RCAN2: variants seen among roughly 807,000 people sequenced by gnomAD.
RCAN2 encodes regulator of calcineurin 2, also known as calcipressin-2.
In RCAN2, 9 loss-of-function variants were observed where a neutral mutation model predicts 23.6. That is an observed-to-expected ratio of 0.38 (90% CI 0.23 to 0.67). RCAN2 has a LOEUF of 0.67. Among genes scored for constraint, RCAN2 ranks in the 30% least tolerant of loss-of-function variants. The pLI, the probability that RCAN2 is intolerant of heterozygous loss-of-function variation, is 0.51. For synonymous variants in RCAN2, 109 were observed against 115.7 expected (o/e 0.94, Z 0.37); for missense variants, 273 against 302.3 (o/e 0.90, Z 0.72).
intron 2 of RCAN2, among the ~76,000 whole-genome samples, chr6:46,387,460 C>T (rs1304631650): frequency 6.6e-6 from 1 of 152,202 alleles, no homozygotes; most frequent in African/African-American, 2.4e-5. Context: ...ACAGACACTT[C>T]TCAAAAGATG....
intron 2 of RCAN2, among the ~76,000 whole-genome samples, chr6:46,259,909 G>C (rs777055101): frequency 6.6e-6 from 1 of 152,190 alleles, no homozygotes; most frequent in Non-Finnish European, 1.5e-5. Context: ...GAGATGCATA[G>C]AGCAAGGTAT....
chr6:46,358,317 T>C (rs752399925), intron 2 of RCAN2, among the ~76,000 whole-genome samples: 6 of 152,174 alleles, frequency 3.9e-5, no homozygotes, highest in Admixed American at 1.3e-4. Context: ...CTCACTATCA[T>C]GAGCACACTT....
intron 2 of RCAN2, among the ~76,000 whole-genome samples, chr6:46,435,937 A>T (rs1385444492): frequency 1.3e-5 from 2 of 152,260 alleles, no homozygotes; most frequent in Non-Finnish European, 2.9e-5. Flanking sequence ...TGGAGAAATG[A>T]AGACAAAAGA....
intron 4 of RCAN2, among the ~76,000 whole-genome samples, chr6:46,224,460 T>C (rs1436981585): frequency 6.6e-6 from 1 of 152,236 alleles, no homozygotes; most frequent in Admixed American, 6.5e-5. Flanking sequence ...TTTCCATCAC[T>C]ACCTGCATCA....
intron 2 of RCAN2, among the ~76,000 whole-genome samples, chr6:46,388,721 T>C (rs890018952): frequency 6.6e-6 from 1 of 152,136 alleles, no homozygotes; most frequent in African/African-American, 2.4e-5. Flanking sequence ...CACTGCATGT[T>C]TTCCCTCATA....
intron 4 of RCAN2, among the ~76,000 whole-genome samples, chr6:46,230,364 AC>A (rs1428939229): frequency 6.6e-6 from 1 of 152,050 alleles, no homozygotes; most frequent in Non-Finnish European, 1.5e-5. Context: ...GCTATGCCCT[AC>A]CCCCAGAGGT....
intron 2 of RCAN2, among the ~76,000 whole-genome samples, chr6:46,295,430 T>C (rs1461261232): frequency 6.6e-6 from 1 of 151,776 alleles, no homozygotes; most frequent in Non-Finnish European, 1.5e-5. Context: ...AGAATGGAGA[T>C]GAGTAGTAGC....
At chr6:46,446,094 A>G (rs1767696301) in intron 2 of RCAN2, among the ~76,000 whole-genome samples, 1 of 152,006 alleles carries the variant, frequency 6.6e-6, no homozygotes, top group Non-Finnish European at 1.5e-5. Context: ...CAGCCCAAAC[A>G]AGATTACAAT....
chr6:46,377,245 G>A (rs1387705048), intron 2 of RCAN2, among the ~76,000 whole-genome samples: 1 of 152,114 alleles, frequency 6.6e-6, no homozygotes, highest in African/African-American at 2.4e-5. Flanking sequence ...ATGCCCAAGG[G>A]GAAGCCTGGA....
chr6:46,286,191 A>G (rs1450597116), intron 2 of RCAN2, among the ~76,000 whole-genome samples: 1 of 152,184 alleles, frequency 6.6e-6, no homozygotes, highest in Non-Finnish European at 1.5e-5. Context: ...GTTTGTGCCA[A>G]AGGCCTCCAA....
intron 4 of RCAN2, among the ~76,000 whole-genome samples, chr6:46,234,298 T>G (rs1398563661): frequency 6.6e-6 from 1 of 152,262 alleles, no homozygotes; most frequent in Non-Finnish European, 1.5e-5. Context: ...GCTTAACAGC[T>G]GCTGAGAACC....
intron 2 of RCAN2, among the ~76,000 whole-genome samples, chr6:46,433,002 T>C (rs1222609618): frequency 6.6e-6 from 1 of 152,192 alleles, no homozygotes; most frequent in Non-Finnish European, 1.5e-5. Flanking sequence ...AGGAGGAGCC[T>C]TCCCTTGGCT....
chr6:46,333,870 C>T (rs1455740878), intron 2 of RCAN2, among the ~76,000 whole-genome samples: 2 of 152,202 alleles, frequency 1.3e-5, no homozygotes, highest in Non-Finnish European at 2.9e-5. Flanking sequence ...ATCCTAAACA[C>T]ACACTAGAGA....
rs191636015 is a variant in RCAN2 at position 46,254,989 on chromosome 6, C to T, written c.226-6093G>A. 7.4e-3 allele frequency among the ~76,000 whole-genome samples: 1,121 copies of T among 152,272 alleles called. 15 individuals are homozygous for T. Among genetic ancestry groups the T allele is most frequent in the African/African-American group, 0.025 (1,050 of 41,548 alleles). On this transcript the variant is annotated intron_variant, in intron 2 of 4. Coordinates refer to ENST00000371374, the MANE Select transcript of RCAN2 (RefSeq NM_001251974.2). Reference sequence around the variant, plus strand: ...ATTCTCCTATGGGATCCAGAGGTATCACCGCACTGCTGACACCTTGGCTTT... The same window carrying T: ...ATTCTCCTATGGGATCCAGAGGTATTACCGCACTGCTGACACCTTGGCTTT...
chr6:46,403,559 C>A lies in RCAN2; in HGVS notation c.225+53193G>T, dbSNP rs182804920. On this transcript the variant is annotated intron_variant, in intron 2 of 4. Coordinates refer to ENST00000371374, the MANE Select transcript of RCAN2 (RefSeq NM_001251974.2). ...TGTACTCCAGCCTGGGCAACAAGAG[C>A]GAAACTCCGTATCAAAAAAAAAAAA... 2.3e-3 allele frequency among the ~76,000 whole-genome samples: 310 copies of A among 136,610 alleles called. 1 individual carries two copies. The highest frequency in any genetic ancestry group is 4.1e-3 in the Non-Finnish European group (265 of 64,272). 89.6% of individuals were successfully genotyped at this position (136,610 alleles called of 152,430 possible).
intron 2 of RCAN2, among the ~76,000 whole-genome samples, chr6:46,323,576 A>G (rs569184844): frequency 1.0e-3 from 158 of 152,282 alleles, no homozygotes; most frequent in Middle Eastern, 6.8e-3. Context: ...CTCATAGAGA[A>G]CCTACTGCAG....
chr6:46,468,621 CT>C, intron 1 of RCAN2, among the ~76,000 whole-genome samples: 1 of 152,330 alleles, frequency 6.6e-6, no homozygotes, highest in East Asian at 1.9e-4. Flanking sequence ...GTTTTTACAT[CT>C]CCTTCCATAT....
At chr6:46,350,613 C>T (rs1764619252) in intron 2 of RCAN2, among the ~76,000 whole-genome samples, 1 of 152,186 alleles carries the variant, frequency 6.6e-6, no homozygotes, top group Non-Finnish European at 1.5e-5. Context: ...TCTTTACATG[C>T]TGAGGCAAGC....
At chr6:46,473,311 A>T (rs563196181) in intron 1 of RCAN2, among the ~76,000 whole-genome samples, 1 of 152,108 alleles carries the variant, frequency 6.6e-6, no homozygotes, top group Non-Finnish European at 1.5e-5. Flanking sequence ...ATAGCTTCTT[A>T]ATATCAAGAA....
Sources: gnomAD v4.1 joint callset for allele counts (sites outside exome capture counted in the v4.1 genomes callset) on GRCh38, gnomAD v4.1.1 for gene constraint, MANE v1.5 for transcripts, NCBI Gene and HGNC (gene_info 2026-07-23, HGNC 2026-07-21) for gene names.